The following LRRC4C variants were observed in gnomAD, a reference collection of about 807,000 sequenced individuals.
The protein encoded by LRRC4C is leucine-rich repeat-containing protein 4C.
In LRRC4C, 5 loss-of-function variants were observed where a neutral mutation model predicts 33.6. The observed-to-expected ratio is 0.15, with a 90% CI of 0.08 to 0.31. The LOEUF (loss-of-function observed/expected upper bound fraction) is 0.31, where lower values mean the gene tolerates loss of function less well. LRRC4C is among the 10% of genes least tolerant of loss of function. LRRC4C has a pLI of 1.00. For synonymous variants in LRRC4C, 329 were observed against 302.0 expected (o/e 1.09, Z -0.93); for missense variants, 560 against 796.7 (o/e 0.70, Z 3.58).
intron 3 of LRRC4C, among the ~76,000 whole-genome samples, chr11:40,528,344 A>ATAGCC (rs1956139690): frequency 6.6e-6 from 1 of 152,108 alleles, no homozygotes; most frequent in Admixed American, 6.6e-5. Flanking sequence ...ACAACAACAA[A>ATAGCC]TAGCCTGATT....
intron 1 of LRRC4C, among the ~76,000 whole-genome samples, chr11:41,402,069 G>A (rs12295644): frequency 0.11 from 16,185 of 151,934 alleles, 2,928 homozygotes; most frequent in African/African-American, 0.37. Context: ...GTCCTGAAAA[G>A]TCTAGTGGGA....
intron 3 of LRRC4C, among the ~76,000 whole-genome samples, chr11:40,515,352 G>T (rs1394640030): frequency 1.3e-5 from 2 of 152,002 alleles, no homozygotes; most frequent in Non-Finnish European, 2.9e-5. Context: ...AATAGAATTG[G>T]TAGAAACTGT....
chr11:41,335,010 C>T (rs1180433114), intron 1 of LRRC4C, among the ~76,000 whole-genome samples: 1 of 152,100 alleles, frequency 6.6e-6, no homozygotes, highest in Non-Finnish European at 1.5e-5. Context: ...CAGTCTGGTC[C>T]CAATCTAGTC....
At chr11:40,640,613 G>A (rs1942047587) in intron 3 of LRRC4C, among the ~76,000 whole-genome samples, 1 of 151,752 alleles carries the variant, frequency 6.6e-6, no homozygotes, top group Non-Finnish European at 1.5e-5. Context: ...TTATTTCTAA[G>A]TTTCTAATAA....
chr11:40,283,693 C>CTTTT (rs5791366), intron 4 of LRRC4C, among the ~76,000 whole-genome samples: 2 of 59,298 alleles, frequency 3.4e-5, no homozygotes, highest in Non-Finnish European at 2.8e-5. Flanking sequence ...GGTCCATATT[C>CTTTT]TTTTTTTTTT....
At chr11:40,577,956 TC>T (rs1412301975) in intron 3 of LRRC4C, among the ~76,000 whole-genome samples, 1 of 146,918 alleles carries the variant, frequency 6.8e-6, no homozygotes. Flanking sequence ...TGCCTCAGCC[TC>T]CCGAGTAGCT....
At chr11:40,689,371 T>C (rs1159553847) in intron 2 of LRRC4C, among the ~76,000 whole-genome samples, 2 of 152,044 alleles carry the variant, frequency 1.3e-5, no homozygotes, top group Non-Finnish European at 2.9e-5. Flanking sequence ...ATGAAAAAAA[T>C]GGTATTTTAA....
chr11:40,778,975 A>G (rs1446043197), intron 2 of LRRC4C, among the ~76,000 whole-genome samples: 1 of 152,166 alleles, frequency 6.6e-6, no homozygotes, highest in East Asian at 1.9e-4. Flanking sequence ...ATGACATGAT[A>G]TGATCTTGAA....
At chr11:41,395,208 C>T (rs1385589115) in intron 1 of LRRC4C, among the ~76,000 whole-genome samples, 2 of 151,886 alleles carry the variant, frequency 1.3e-5, no homozygotes, top group African/African-American at 2.4e-5. Context: ...AAAATGAGCG[C>T]CTATTCTTGA....
At chr11:41,325,779 A>G (rs1951099109) in intron 1 of LRRC4C, among the ~76,000 whole-genome samples, 1 of 152,090 alleles carries the variant, frequency 6.6e-6, no homozygotes, top group Admixed American at 6.5e-5. Flanking sequence ...CTGTATGCCC[A>G]ATTTTTAGTA....
intron 3 of LRRC4C, among the ~76,000 whole-genome samples, chr11:40,596,368 G>C (rs1292649091): frequency 6.6e-6 from 1 of 151,752 alleles, no homozygotes; most frequent in Non-Finnish European, 1.5e-5. Flanking sequence ...TGACTTTTTG[G>C]TACAGGCACA....
intron 1 of LRRC4C, among the ~76,000 whole-genome samples, chr11:41,287,068 C>T (rs1369882533): frequency 6.6e-6 from 1 of 152,136 alleles, no homozygotes; most frequent in African/African-American, 2.4e-5. Context: ...AAAGAATTTT[C>T]TTTTCCTTTG....
At chr11:41,399,130 C>T (rs1362843594) in intron 1 of LRRC4C, among the ~76,000 whole-genome samples, 1 of 151,874 alleles carries the variant, frequency 6.6e-6, no homozygotes, top group Non-Finnish European at 1.5e-5. Context: ...TGAGATTGCA[C>T]CTCAGTCTCT....
intron 4 of LRRC4C, among the ~76,000 whole-genome samples, chr11:40,311,256 T>G (rs1001313022): frequency 6.6e-6 from 1 of 152,214 alleles, no homozygotes; most frequent in African/African-American, 2.4e-5. Flanking sequence ...TCTATCTTTA[T>G]GTTAATGTGC....
At chr11:40,839,762 T>TCATTC (rs1952833054) in intron 2 of LRRC4C, among the ~76,000 whole-genome samples, 2 of 152,194 alleles carry the variant, frequency 1.3e-5, no homozygotes, top group African/African-American at 4.8e-5. Context: ...ACTTACAGGG[T>TCATTC]CACTTACCAA....
At chr11:40,539,821 T>C (rs940928022) in intron 3 of LRRC4C, among the ~76,000 whole-genome samples, 2 of 152,150 alleles carry the variant, frequency 1.3e-5, no homozygotes, top group African/African-American at 4.8e-5. Context: ...TAAGTGAGTT[T>C]TGTGGAAAAG....
intron 3 of LRRC4C, among the ~76,000 whole-genome samples, chr11:40,438,160 G>A (rs1006612722): frequency 6.6e-6 from 1 of 152,100 alleles, no homozygotes; most frequent in African/African-American, 2.4e-5. Context: ...TCACCACTAG[G>A]CATGGTCTGG....
At chr11:41,447,022 GCAGA>G (rs1472879009) in intron 1 of LRRC4C, among the ~76,000 whole-genome samples, 13 of 152,184 alleles carry the variant, frequency 8.5e-5, no homozygotes, top group Admixed American at 2.0e-4. Flanking sequence ...AGAAAAGGAA[GCAGA>G]CAGAGTAGGC....
chr11:40,379,086 G>A (rs1210267604), intron 3 of LRRC4C, among the ~76,000 whole-genome samples: 1 of 152,046 alleles, frequency 6.6e-6, no homozygotes, highest in Non-Finnish European at 1.5e-5. Context: ...TTTAAAAACT[G>A]ATTTTGAAAG....
Sources: gnomAD v4.1 joint callset for allele counts (sites outside exome capture counted in the v4.1 genomes callset) on GRCh38, gnomAD v4.1.1 for gene constraint, MANE v1.5 for transcripts, NCBI Gene and HGNC (gene_info 2026-07-23, HGNC 2026-07-21) for gene names.